The following BAZ2B variants were observed in gnomAD, a reference collection of about 807,000 sequenced individuals.
BAZ2B encodes bromodomain adjacent to zinc finger domain protein 2B.
Under a neutral mutation model 246.0 loss-of-function variants are expected in BAZ2B, and 91 were observed. That is an observed-to-expected ratio of 0.37 (90% confidence interval 0.31 to 0.44). The LOEUF (loss-of-function observed/expected upper bound fraction) is 0.44. Ranked by LOEUF, BAZ2B falls within the 20% of genes least tolerant of loss-of-function variation. BAZ2B has a pLI of 1.00. For synonymous variants in BAZ2B, 855 were observed against 860.0 expected (o/e 0.99, Z 0.10); for missense variants, 2,332 against 2,533.7 (o/e 0.92, Z 1.71).
chr2:159,700,892 A>C, the BAZ2B span, among the ~76,000 whole-genome samples: 1 of 152,212 alleles, frequency 6.6e-6, no homozygotes, highest in Non-Finnish European at 1.5e-5. Context: ...GGTAAGACAA[A>C]CAATTTCTCA....
At chr2:159,429,330 ACTTTT>A (rs764906423) in intron 10 of BAZ2B, 70 bp from the exon 11 acceptor site, 36 of 948,506 alleles carry the variant, frequency 3.8e-5, no homozygotes, top group Non-Finnish European at 5.1e-5. Context: ...TAGTTTAGAA[ACTTTT>A]CTTTAAAAAA....
chr2:159,441,121 C>G (rs945586580), intron 6 of BAZ2B, among the ~76,000 whole-genome samples: 2 of 152,022 alleles, frequency 1.3e-5, no homozygotes, highest in South Asian at 2.1e-4. Context: ...AGCAAGACCA[C>G]GAAAATCATA....
intron 1 of BAZ2B, among the ~76,000 whole-genome samples, chr2:159,565,737 ACT>A: frequency 6.8e-6 from 1 of 147,796 alleles, no homozygotes; most frequent in African/African-American, 2.5e-5. Flanking sequence ...AGATTGTGCC[ACT>A]GCATTCCAGC....
the BAZ2B span, among the ~76,000 whole-genome samples, chr2:159,655,190 A>G: frequency 6.6e-6 from 1 of 152,224 alleles, no homozygotes; most frequent in African/African-American, 2.4e-5. Context: ...ACCTGAGGTC[A>G]GGAGTTTGAG....
chr2:159,397,051 T>G, intron 19 of BAZ2B: 1 of 1,371,272 alleles, frequency 7.3e-7, no homozygotes. Flanking sequence ...GTGTTAGATG[T>G]ACAAAAATAA....
intron 6 of BAZ2B, among the ~76,000 whole-genome samples, chr2:159,445,380 C>T (rs2074083196): frequency 6.6e-6 from 1 of 152,032 alleles, no homozygotes; most frequent in Non-Finnish European, 1.5e-5. Context: ...TTTTGTAGGG[C>T]TAAGGTAGAG....
chr2:159,430,075 T>C (rs555934499), intron 10 of BAZ2B, among the ~76,000 whole-genome samples: 7 of 152,302 alleles, frequency 4.6e-5, no homozygotes, highest in South Asian at 2.1e-4. Context: ...TACTCTCTAA[T>C]AGAAAAGACA....
At chr2:159,696,879 G>A in the BAZ2B span, among the ~76,000 whole-genome samples, 3 of 152,068 alleles carry the variant, frequency 2.0e-5, no homozygotes, top group South Asian at 2.1e-4. Context: ...TCCACCTCCC[G>A]GGTTCAAGTG....
chr2:159,484,014 C>G (rs1197362794), intron 2 of BAZ2B, among the ~76,000 whole-genome samples: 1 of 152,100 alleles, frequency 6.6e-6, no homozygotes, highest in Non-Finnish European at 1.5e-5. Flanking sequence ...GGTTTTCTGA[C>G]ACACCATCTC....
chr2:159,373,100 G>A lies in BAZ2B; in HGVS notation c.4158C>T (p.Tyr1386=). 6.2e-7 allele frequency: 1 copy of A among 1,614,064 alleles called. No individual in the cohort carries two copies. Among genetic ancestry groups the A allele is most frequent in the Non-Finnish European group, 8.5e-7 (1 of 1,179,938 alleles). ...MFGQDRYRRR[Y]WILPQCGGIF... ...TCCCCCCACATTGGGGAAGAATCCA[G>A]TACCGGCGTCTGTAACGATCTTGGC... is the stretch of plus-strand genomic sequence containing the variant. Residue 1386 remains tyrosine, a synonymous_variant, in exon 27 of 37, where the codon TAC becomes TAT. Transcript: ENST00000392783.
intron 1 of BAZ2B, among the ~76,000 whole-genome samples, chr2:159,558,217 A>C (rs2089438059): frequency 6.6e-6 from 1 of 152,186 alleles, no homozygotes; most frequent in African/African-American, 2.4e-5. Flanking sequence ...AGGCCATTCA[A>C]ATGAAGACGC....
chr2:159,457,578 C>T (rs1396054451), intron 3 of BAZ2B, among the ~76,000 whole-genome samples: 1 of 152,194 alleles, frequency 6.6e-6, no homozygotes, highest in African/African-American at 2.4e-5. Context: ...AATTTGTTAA[C>T]ATTAACACTG....
chr2:159,325,529 T>C, intron 35 of BAZ2B, 124 bp downstream of exon 35: 1 of 1,070,774 alleles, frequency 9.3e-7, no homozygotes, highest in Non-Finnish European at 1.3e-6. Flanking sequence ...TTTCTTAACA[T>C]TTATGCTTTA....
the BAZ2B span, among the ~76,000 whole-genome samples, chr2:159,643,149 A>C: frequency 1.3e-5 from 2 of 152,170 alleles, no homozygotes; most frequent in Non-Finnish European, 2.9e-5. Flanking sequence ...CTTCACTTTC[A>C]TCTTTGTGAG....
chr2:159,629,053 G>A, the BAZ2B span, among the ~76,000 whole-genome samples: 1 of 152,182 alleles, frequency 6.6e-6, no homozygotes, highest in Admixed American at 6.5e-5. Flanking sequence ...CATTTATGCA[G>A]CAAACAAACA....
At chr2:159,320,956 T>A (rs1004704566) in intron 36 of BAZ2B, among the ~76,000 whole-genome samples, 2 of 152,216 alleles carry the variant, frequency 1.3e-5, no homozygotes, top group Non-Finnish European at 2.9e-5. Flanking sequence ...TGTGCTCTTC[T>A]GCCCAAGCAA....
intron 1 of BAZ2B, among the ~76,000 whole-genome samples, chr2:159,560,464 T>C (rs1206505845): frequency 2.0e-5 from 3 of 152,226 alleles, no homozygotes; most frequent in Admixed American, 2.0e-4. Context: ...TCAGTGTTGT[T>C]ATCTTGGATT....
At chr2:159,636,628 C>A in the BAZ2B span, among the ~76,000 whole-genome samples, 4 of 152,158 alleles carry the variant, frequency 2.6e-5, no homozygotes, top group South Asian at 2.1e-4. Context: ...ACAAGGACTG[C>A]AATTCCTAGG....
At chr2:159,442,957 A>G (rs2073692573) in intron 6 of BAZ2B, among the ~76,000 whole-genome samples, 1 of 152,192 alleles carries the variant, frequency 6.6e-6, no homozygotes. Flanking sequence ...GGTTGTGTCT[A>G]CATTTCAGCC....
Sources: allele counts gnomAD v4.1 joint callset (sites outside exome capture counted in the v4.1 genomes callset), GRCh38; gene constraint gnomAD v4.1.1; transcripts MANE v1.5; gene names NCBI Gene and HGNC (gene_info 2026-07-23, HGNC 2026-07-21).